GALNT3: variants seen among roughly 807,000 people sequenced by gnomAD.
The protein encoded by GALNT3 is GalNAc transferase 3.
GALNT3 carries 51 observed loss-of-function variants against 69.8 expected under a neutral mutation model. The observed-to-expected ratio is 0.73, with a 90% CI of 0.58 to 0.92. The LOEUF (loss-of-function observed/expected upper bound fraction) is 0.92. Ranked by LOEUF, GALNT3 falls within the 40% of genes least tolerant of loss-of-function variation. The pLI is 0.00. For synonymous variants in GALNT3, 265 were observed against 248.5 expected (o/e 1.07, Z -0.63); for missense variants, 711 against 760.0 (o/e 0.94, Z 0.76).
In GALNT3 at chr2:165,784,283, T is replaced by A. The variant is rs1304762262; in HGVS notation, c.-109+9732A>T. Reference sequence around the variant, plus strand: ...CCCTGATGAGTTTTCAGCAAGGTGATGACCTAATGAGAACGGAAGTTTAGA... The same window carrying A: ...CCCTGATGAGTTTTCAGCAAGGTGAAGACCTAATGAGAACGGAAGTTTAGA... On this transcript the variant is annotated intron_variant, in intron 1 of 10. Coordinates refer to ENST00000392701, the MANE Select transcript of GALNT3 (RefSeq NM_004482.4). Among the ~76,000 whole-genome samples the A allele has an allele frequency of 2.0e-5, 3 of 152,204 alleles. No homozygotes were observed. The East Asian group carries it at 5.8e-4, about 29-fold the overall frequency.
Position 165,747,853 on chromosome 2 carries a change from AT to A in GALNT3, c.*927del, listed in dbSNP as rs1279203376. On this transcript the variant is annotated 3_prime_UTR_variant, in exon 11 of 11. Transcript: ENST00000392701. ...TTGTGTTTTCCACATAGATAAAAAA[AT>A]AAGGCTTTTTGATGAAAAGAATCCA... 5.8e-6 allele frequency: 1 copy of A among 171,482 alleles called. No individual in the cohort carries two copies. Among genetic ancestry groups the A allele is most frequent in the Non-Finnish European group, 1.3e-5 (1 of 78,812 alleles). The allele number at this position is 171,482 out of a possible 1,614,324, so 10.6% of individuals were successfully genotyped here. A position where few individuals can be genotyped will look rare whatever the true frequency, so the allele number is the denominator to read the frequency against.
At chr2:165,769,974 C>G (rs1268851803) in intron 2 of GALNT3, 6 of 599,974 alleles carry the variant, frequency 1.0e-5, no homozygotes, top group Non-Finnish European at 1.8e-5. Context: ...AAGCTAATAA[C>G]TTTTCATATC....
chr2:165,772,388 C>A (rs1688767641), intron 1 of GALNT3, among the ~76,000 whole-genome samples: 1 of 151,798 alleles, frequency 6.6e-6, no homozygotes, highest in African/African-American at 2.4e-5. Context: ...AGTTCGAGAC[C>A]AGCCTGGGCA....
chr2:165,761,726 A>T (rs1386200460), intron 4 of GALNT3, 179 bp downstream of exon 4: 1 of 741,846 alleles, frequency 1.3e-6, no homozygotes, highest in Admixed American at 2.0e-5. Flanking sequence ...GCATAAGTGA[A>T]AGGAATTTTC....
intron 3 of GALNT3, 142 bp from the exon 4 acceptor site, chr2:165,762,196 A>T: frequency 1.4e-6 from 1 of 701,012 alleles, no homozygotes; most frequent in Non-Finnish European, 2.4e-6. Context: ...CAAAATGAAA[A>T]TTTTATCTTT....
chr2:165,791,483 TA>T (rs1683349267), intron 1 of GALNT3, among the ~76,000 whole-genome samples: 2 of 152,204 alleles, frequency 1.3e-5, no homozygotes, highest in East Asian at 3.8e-4. Context: ...CACTGTTTTA[TA>T]TTAATAAAAC....
intron 2 of GALNT3, among the ~76,000 whole-genome samples, chr2:165,767,937 A>G (rs1249142903): frequency 7.0e-6 from 1 of 142,832 alleles, no homozygotes; most frequent in Non-Finnish European, 1.5e-5. Context: ...GCAATGGTGC[A>G]ATCTCGGCTC....
chr2:165,793,212 GT>G (rs1683389242), intron 1 of GALNT3, among the ~76,000 whole-genome samples: 1 of 152,098 alleles, frequency 6.6e-6, no homozygotes, highest in Non-Finnish European at 1.5e-5. Flanking sequence ...CTGAAACAAT[GT>G]TTTTTTGAAC....
Position 165,770,309 on chromosome 2 carries a change from G to C in GALNT3, c.392C>G (p.Thr131Ser). ...PGASGKAFKT[T>S]NLSVEEQKEK... ...CTTTTGCTCTTCAACACTTAAATTG[G>C]TTGTCTTGAATGCTTTACCAGAAGC... is the stretch of plus-strand genomic sequence containing the variant. The change falls in exon 2 of 11, where the codon ACC becomes AGC. Residue 131 changes from threonine (T) to serine (S), a missense_variant. Physicochemically the swap from Thr to Ser is moderately conservative, Grantham distance 58. Coordinates refer to ENST00000392701, the MANE Select transcript of GALNT3 (RefSeq NM_004482.4). 2.5e-6 allele frequency: 4 copies of C among 1,614,068 alleles called. No individual in the cohort carries two copies. Among genetic ancestry groups the C allele is most frequent in the African/African-American group, 1.3e-5 (1 of 75,012 alleles).
chr2:165,793,028 A>G (rs1411819301), intron 1 of GALNT3, among the ~76,000 whole-genome samples: 1 of 152,150 alleles, frequency 6.6e-6, no homozygotes, highest in East Asian at 1.9e-4. Context: ...AATATTGGTA[A>G]CTCGATGGGG....
intron 3 of GALNT3, among the ~76,000 whole-genome samples, chr2:165,763,709 T>TA (rs985681399): frequency 2.0e-5 from 3 of 151,784 alleles, no homozygotes; most frequent in South Asian, 2.1e-4. Flanking sequence ...TGGAATTTGT[T>TA]AAAAAAAAAT....
intron 1 of GALNT3, among the ~76,000 whole-genome samples, chr2:165,775,915 A>G (rs1688838806): frequency 6.6e-6 from 1 of 152,212 alleles, no homozygotes; most frequent in African/African-American, 2.4e-5. Context: ...GTTTCAAAAT[A>G]GATTCTTGAT....
intron 1 of GALNT3, among the ~76,000 whole-genome samples, chr2:165,776,477 T>C (rs2105425552): frequency 6.6e-6 from 1 of 151,980 alleles, no homozygotes; most frequent in East Asian, 1.9e-4. Flanking sequence ...ATTTGCTAAT[T>C]ACCAAAGATC....
chr2:165,751,645 T>C lies in GALNT3; in HGVS notation c.1627-1751A>G, dbSNP rs1394336357. Reference sequence around the variant, plus strand: ...GTGAATGTTGGAGAGACCCATTACTTAGAACGAGTAGAGAAGAGGCAAAGC... The same window carrying C: ...GTGAATGTTGGAGAGACCCATTACTCAGAACGAGTAGAGAAGAGGCAAAGC... On this transcript the variant is annotated intron_variant, in intron 9 of 10. Transcript: ENST00000392701. Among the ~76,000 whole-genome samples, 3 of 152,180 alleles carry C rather than the reference T, an allele frequency of 2.0e-5. 1 individual carries two copies. The highest frequency in any genetic ancestry group is 7.2e-5 in the African/African-American group (3 of 41,436).
chr2:165,757,424 T>C (rs1014315018), intron 6 of GALNT3, among the ~76,000 whole-genome samples, 177 bp from the exon 7 acceptor site: 1 of 152,254 alleles, frequency 6.6e-6, no homozygotes, highest in Non-Finnish European at 1.5e-5. Context: ...GGAATTATTT[T>C]ATTAAATGGC....
chr2:165,784,796 T>A (rs184673993), intron 1 of GALNT3, among the ~76,000 whole-genome samples: 12 of 151,894 alleles, frequency 7.9e-5, no homozygotes, highest in African/African-American at 2.7e-4. Context: ...GAGGGTAGAG[T>A]ACAAGAAGGA....
At chr2:165,768,834 G>T (rs931410065) in intron 2 of GALNT3, among the ~76,000 whole-genome samples, 2 of 136,506 alleles carry the variant, frequency 1.5e-5, no homozygotes, top group African/African-American at 2.8e-5. Context: ...CGTTCTTGTC[G>T]CCCAGGCTGG....
intron 1 of GALNT3, among the ~76,000 whole-genome samples, chr2:165,791,692 C>T (rs1229913818): frequency 6.6e-6 from 1 of 151,900 alleles, no homozygotes; most frequent in East Asian, 1.9e-4. Flanking sequence ...ATATTTTAAG[C>T]CAATATAATA....
chr2:165,765,012 G>A lies in GALNT3; in HGVS notation c.560C>T (p.Thr187Ile), dbSNP rs373080566. 5 of 1,614,070 alleles carry A rather than the reference G, an allele frequency of 3.1e-6. No homozygotes were observed. The highest frequency in any genetic ancestry group is 4.2e-6 in the Non-Finnish European group (5 of 1,180,026). Residue 187 changes from threonine to isoleucine, a missense_variant, in exon 3 of 11, where the codon ACC becomes ATC. Thr to Ile is a moderately conservative substitution (Grantham distance 89, BLOSUM62 -1). Coordinates refer to ENST00000392701, the MANE Select transcript of GALNT3 (RefSeq NM_004482.4). Reference sequence around the variant, plus strand: ...ATTATGAAAAACTATTATGACACTGGTGGTGGGCAGGGGAGGGCAGCGCTT... The same window carrying A: ...ATTATGAAAAACTATTATGACACTGATGGTGGGCAGGGGAGGGCAGCGCTT... ...KFKRCPPLPT[T>I]SVIIVFHNEA...
Sources: gnomAD v4.1 joint callset for allele counts (sites outside exome capture counted in the v4.1 genomes callset) on GRCh38, gnomAD v4.1.1 for gene constraint, MANE v1.5 for transcripts, NCBI Gene and HGNC (gene_info 2026-07-23, HGNC 2026-07-21) for gene names.